Variants in PTPRN2 observed in about 807,000 individuals in gnomAD.
The protein encoded by PTPRN2 is receptor-type tyrosine-protein phosphatase N2.
A neutral mutation model predicts 118.8 loss-of-function variants in PTPRN2; 74 were observed. The observed-to-expected ratio is 0.62, with a 90% CI of 0.52 to 0.76. The LOEUF is 0.76. PTPRN2 is among the 30% of genes least tolerant of loss of function. The pLI is 0.00. For synonymous variants in PTPRN2, 641 were observed against 608.0 expected (o/e 1.05, Z -0.80); for missense variants, 1,481 against 1,394.4 (o/e 1.06, Z -0.99).
chr7:157,838,233 T>C (rs1274257902), intron 12 of PTPRN2, among the ~76,000 whole-genome samples: 1 of 150,242 alleles, frequency 6.7e-6, no homozygotes, highest in Non-Finnish European at 1.5e-5. Flanking sequence ...CTCCAGTTCC[T>C]CTCATAGTGG....
intron 5 of PTPRN2, among the ~76,000 whole-genome samples, chr7:158,178,280 T>C (rs1473165759): frequency 1.3e-5 from 2 of 152,172 alleles, no homozygotes; most frequent in East Asian, 1.9e-4. Context: ...AAGTCTCAGA[T>C]ATTAATGCAC....
intron 11 of PTPRN2, among the ~76,000 whole-genome samples, chr7:158,063,112 C>T (rs182052160): frequency 1.8e-4 from 28 of 152,314 alleles, no homozygotes; most frequent in Admixed American, 1.5e-3. Flanking sequence ...CTGTGTCTAG[C>T]TAAGGTTTGT....
At chr7:158,527,480 GC>G (rs983725675) in intron 1 of PTPRN2, among the ~76,000 whole-genome samples, 42 of 152,352 alleles carry the variant, frequency 2.8e-4, no homozygotes, top group African/African-American at 9.6e-4. Flanking sequence ...TGCCATGGAG[GC>G]CTCACCAGCC....
intron 11 of PTPRN2, among the ~76,000 whole-genome samples, chr7:158,035,309 C>T (rs796700109): frequency 3.3e-5 from 5 of 152,324 alleles, no homozygotes; most frequent in African/African-American, 1.2e-4. Flanking sequence ...AGACCCTGCT[C>T]CCAGTCTAAT....
At chr7:157,894,009 G>A (rs1381303430) in intron 12 of PTPRN2, among the ~76,000 whole-genome samples, 1 of 152,202 alleles carries the variant, frequency 6.6e-6, no homozygotes, top group African/African-American at 2.4e-5. Context: ...AGCTTCACCT[G>A]GAATGGGAGC....
At position 157,611,301 on chromosome 7, in the gene PTPRN2, G is replaced by A. The variant is rs367572315; in HGVS notation, c.2345-7226C>T. On this transcript the variant is annotated intron_variant, in intron 15 of 22. Transcript: ENST00000389418. The surrounding 1 kb of genome is among the most constrained non-coding windows in gnomAD (Gnocchi z 5.9). ...TGACCTGGGGCAGGTGGACTAGAAG[G>A]AGCCTCAAGCCCTGGGGGATTCCCA... Among the ~76,000 whole-genome samples the A allele has an allele frequency of 4.7e-4, 72 of 152,250 alleles. No individual in the cohort carries two copies. Among genetic ancestry groups the A allele is most frequent in the African/African-American group, 1.3e-3 (56 of 41,560 alleles).
At chr7:158,488,679 C>A (rs1228386475) in intron 2 of PTPRN2, among the ~76,000 whole-genome samples, 1 of 152,252 alleles carries the variant, frequency 6.6e-6, no homozygotes, top group East Asian at 1.9e-4. Context: ...CACCTCAGTC[C>A]CCCGCCGGCA....
At chr7:158,239,135 G>A (rs559252670) in intron 3 of PTPRN2, among the ~76,000 whole-genome samples, 40 of 152,288 alleles carry the variant, frequency 2.6e-4, no homozygotes, top group African/African-American at 7.0e-4. Context: ...CCTGAGGACC[G>A]AGGGCCTTCT....
intron 12 of PTPRN2, among the ~76,000 whole-genome samples, chr7:157,884,125 C>G (rs554481113): frequency 6.6e-6 from 1 of 151,990 alleles, no homozygotes; most frequent in Non-Finnish European, 1.5e-5. Flanking sequence ...AACATGCCAC[C>G]CCAAAATGAC....
intron 1 of PTPRN2, among the ~76,000 whole-genome samples, chr7:158,585,949 G>C (rs1194331222): frequency 6.6e-6 from 1 of 152,236 alleles, no homozygotes; most frequent in East Asian, 1.9e-4. Flanking sequence ...GCACAGCTGG[G>C]CCTTCTTTCC....
At chr7:158,567,319 G>A (rs1827724067) in intron 1 of PTPRN2, among the ~76,000 whole-genome samples, 1 of 152,228 alleles carries the variant, frequency 6.6e-6, no homozygotes, top group South Asian at 2.1e-4. Flanking sequence ...TGCTGGGCTG[G>A]AGAACTGGCC....
At chr7:158,071,541 G>C (rs1811672039) in intron 11 of PTPRN2, among the ~76,000 whole-genome samples, 1 of 123,560 alleles carries the variant, frequency 8.1e-6, no homozygotes, top group African/African-American at 3.2e-5. Context: ...CGTGATGATG[G>C]AGGTGCTCCT....
At chr7:157,558,417 C>A (rs550627666) in intron 21 of PTPRN2, among the ~76,000 whole-genome samples, 1 of 152,256 alleles carries the variant, frequency 6.6e-6, no homozygotes, top group Admixed American at 6.5e-5. Flanking sequence ...GGGGCCTCCA[C>A]GATGTGGCTA....
intron 12 of PTPRN2, among the ~76,000 whole-genome samples, chr7:157,883,576 C>T (rs994192967): frequency 7.0e-6 from 1 of 143,758 alleles, no homozygotes; most frequent in Admixed American, 7.0e-5. Flanking sequence ...CACACCACCC[C>T]AAAATGACTG....
chr7:158,331,379 T>A (rs1300324094), intron 2 of PTPRN2, among the ~76,000 whole-genome samples: 1 of 137,094 alleles, frequency 7.3e-6, no homozygotes, highest in Non-Finnish European at 1.5e-5. Flanking sequence ...CCCGCAGAAG[T>A]CACTCACACC....
chr7:158,310,557 C>T (rs1232746963), intron 3 of PTPRN2, among the ~76,000 whole-genome samples: 5 of 152,240 alleles, frequency 3.3e-5, no homozygotes, highest in Admixed American at 6.5e-5. Context: ...CACAAATGGC[C>T]GGCCGGAGAT....
chr7:157,725,455 T>G lies in PTPRN2; in HGVS notation c.1789-42518A>C, dbSNP rs9692318. The stretch of plus-strand genomic sequence containing the variant: ...CTCCCAGGAGAACTGGATATCCACA[T>G]GCAGAGGAGTGAGCCAGACCCTCAC... On this transcript the variant is annotated intron_variant, in intron 12 of 22. Transcript: ENST00000389418. Among the ~76,000 whole-genome samples the G allele has an allele frequency of 1.2e-4, 4 of 34,446 alleles. No individual in the cohort carries two copies. In the Admixed American group the frequency reaches 1.2e-3, roughly 10 times the overall value. The allele number at this position is 34,446 out of a possible 152,430, so 22.6% of individuals were successfully genotyped here.
Position 157,893,777 on chromosome 7 carries a change from G to A in PTPRN2, c.1788+4896C>T, listed in dbSNP as rs968639136. ...CATCATCGAACAGATAACATAAAAA[G>A]CCAGGGCCCAGGTGAGTTCCCCACA... is the stretch of plus-strand genomic sequence containing the variant. On this transcript the variant is annotated intron_variant, in intron 12 of 22. Coordinates refer to ENST00000389418, the MANE Select transcript of PTPRN2 (RefSeq NM_002847.5). This position sits in a 1 kb window ranked among gnomAD's most constrained non-coding sequence, Gnocchi z 4.0. Among the ~76,000 whole-genome samples the A allele has an allele frequency of 2.6e-5, 4 of 152,170 alleles. No individual in the cohort carries two copies. Among genetic ancestry groups the A allele is most frequent in the Admixed American group, 2.6e-4 (4 of 15,280 alleles).
At chr7:158,308,975 A>T (rs939121208) in intron 3 of PTPRN2, among the ~76,000 whole-genome samples, 1 of 152,254 alleles carries the variant, frequency 6.6e-6, no homozygotes, top group Non-Finnish European at 1.5e-5. Flanking sequence ...AGGAAATTCA[A>T]TGAGTAATTT....
Sources: gnomAD v4.1 joint callset for allele counts (sites outside exome capture counted in the v4.1 genomes callset) on GRCh38, gnomAD v4.1.1 for gene constraint, Gnocchi (gnomAD v3.1) non-coding constraint, MANE v1.5 for transcripts, NCBI Gene and HGNC (gene_info 2026-07-23, HGNC 2026-07-21) for gene names.